ADAM7: variants seen among roughly 807,000 people sequenced by gnomAD.
ADAM7 encodes disintegrin and metalloproteinase domain-containing protein 7.
In ADAM7, 97 loss-of-function variants were observed where a neutral mutation model predicts 102.9. The observed-to-expected ratio is 0.94, with a 90% CI of 0.80 to 1.12. The LOEUF (loss-of-function observed/expected upper bound fraction) is 1.12. Among genes scored for constraint, ADAM7 ranks in the 50% most tolerant of loss-of-function variants. The pLI is 0.00. For missense variants in ADAM7, 991 were observed against 908.7 expected, an observed-to-expected ratio of 1.09 and a Z score of -1.16; for synonymous variants, 334 against 304.4, an observed-to-expected ratio of 1.10 and a Z score of -1.01.
At chr8:24,503,324 C>T (rs1322361554) in intron 20 of ADAM7, among the ~76,000 whole-genome samples, 1 of 152,108 alleles carries the variant, frequency 6.6e-6, no homozygotes, top group South Asian at 2.1e-4. Context: ...CCAATACATT[C>T]AGCTCACTTA....
At chr8:24,464,110 T>C (rs2129381183) in intron 4 of ADAM7, 150 bp downstream of exon 4, 1 of 661,268 alleles carries the variant, frequency 1.5e-6, no homozygotes, top group East Asian at 2.9e-5. Flanking sequence ...AAAATTATAG[T>C]ATAAAAATAC....
chr8:24,488,812 T>G (rs1820235734), intron 11 of ADAM7, among the ~76,000 whole-genome samples: 1 of 152,076 alleles, frequency 6.6e-6, no homozygotes, highest in African/African-American at 2.4e-5. Context: ...AATTATTGCT[T>G]TGAGATGCTT....
chr8:24,451,947 T>C (rs1408528365), intron 3 of ADAM7, among the ~76,000 whole-genome samples: 1 of 151,894 alleles, frequency 6.6e-6, no homozygotes, highest in Non-Finnish European at 1.5e-5. Flanking sequence ...AGTTTCCATG[T>C]AGTTGAGCGG....
chr8:24,490,913 T>G (rs971974347), intron 13 of ADAM7, 25 bp downstream of exon 13: 39 of 1,221,906 alleles, frequency 3.2e-5, no homozygotes, highest in Non-Finnish European at 4.1e-5. Context: ...CAGGAGAAGG[T>G]TTTTTTTTTT....
chr8:24,451,551 T>C (rs1273021769), intron 3 of ADAM7, among the ~76,000 whole-genome samples: 1 of 152,230 alleles, frequency 6.6e-6, no homozygotes, highest in Non-Finnish European at 1.5e-5. Context: ...TTCTTCTTTA[T>C]TAGTCTTGCT....
chr8:24,480,579 C>G (rs1445838144), intron 8 of ADAM7, among the ~76,000 whole-genome samples: 1 of 152,056 alleles, frequency 6.6e-6, no homozygotes, highest in African/African-American at 2.4e-5. Context: ...TTTATATGTT[C>G]TTATGAGAAG....
intron 7 of ADAM7, chr8:24,475,835 A>C: frequency 2.3e-6 from 1 of 431,084 alleles, no homozygotes; most frequent in South Asian, 1.7e-5. Context: ...CAAGATCCCG[A>C]TAGTACAAAA....
In ADAM7 at chr8:24,442,486, T is replaced by G; in HGVS notation, c.66T>G (p.Leu22=). The G allele has an allele frequency of 1.2e-6, 2 of 1,613,660 alleles. No homozygotes were observed. Among genetic ancestry groups the G allele is most frequent in the South Asian group, 2.2e-5 (2 of 91,062 alleles). ...LIPQVKEKFI[L]GVEGQQLVRP... The stretch of plus-strand genomic sequence containing the variant: ...GTTTCCTCGTAGAAAAGTTCATCCT[T>G]GGAGTAGAGGGTCAACAACTGGTTC... The change falls in exon 2 of 22, where the codon CTT becomes CTG. Residue 22 remains leucine, a synonymous_variant. Coordinates refer to ENST00000175238, the MANE Select transcript of ADAM7 (RefSeq NM_003817.4).
At chr8:24,482,860 A>G (rs2129388583) in intron 9 of ADAM7, among the ~76,000 whole-genome samples, 1 of 152,334 alleles carries the variant, frequency 6.6e-6, no homozygotes, top group South Asian at 2.1e-4. Context: ...GGTAGACTTA[A>G]AAATGCCATT....
intron 2 of ADAM7, among the ~76,000 whole-genome samples, chr8:24,446,711 A>T (rs1818571559): frequency 6.6e-6 from 1 of 151,864 alleles, no homozygotes; most frequent in Admixed American, 6.6e-5. Context: ...AAATCGCTTT[A>T]AAAATGCGTG....
At chr8:24,500,762 A>G (rs1563397776) in intron 18 of ADAM7, 28 bp from the exon 19 acceptor site, 1 of 1,576,968 alleles carries the variant, frequency 6.3e-7, no homozygotes, top group Admixed American at 1.7e-5. Context: ...GATACCCTCG[A>G]TGAAGCCCAT....
At chr8:24,458,314 T>C (rs1000265683) in intron 3 of ADAM7, among the ~76,000 whole-genome samples, 3 of 152,236 alleles carry the variant, frequency 2.0e-5, no homozygotes, top group African/African-American at 7.2e-5. Flanking sequence ...ATTCACGTTA[T>C]AACTCATCTA....
At chr8:24,478,637 C>G (rs2129387071) in intron 8 of ADAM7, among the ~76,000 whole-genome samples, 1 of 152,258 alleles carries the variant, frequency 6.6e-6, no homozygotes, top group Admixed American at 6.5e-5. Context: ...ATTCTGCAAA[C>G]CACATCCATG....
At chr8:24,497,007 T>C (rs1820580946) in intron 16 of ADAM7, among the ~76,000 whole-genome samples, 1 of 152,160 alleles carries the variant, frequency 6.6e-6, no homozygotes, top group Admixed American at 6.6e-5. Context: ...CATCTTGAAT[T>C]CCCACATTTG....
chr8:24,500,233 G>T lies in ADAM7; in HGVS notation c.1979G>T (p.Cys660Phe), dbSNP rs1230794251. Residue 660 changes from cysteine to phenylalanine, a missense_variant, in exon 18 of 22, where the codon TGT (cysteine) becomes TTT (phenylalanine). Transcript: ENST00000175238. Reference protein sequence around the residue: ...HCEEGQAPVACEETLHVTNIT... With the variant: ...HCEEGQAPVAFEETLHVTNIT... ...GAGGAAGGACAGGCACCTGTAGCCT[G>T]TGAAGAAACCTTACATGTTACCAGT... 1.9e-6 allele frequency: 3 copies of T among 1,611,422 alleles called. No homozygotes were observed. Among genetic ancestry groups the T allele is most frequent in the African/African-American group, 2.7e-5 (2 of 74,978 alleles).
In ADAM7 at chr8:24,468,822, T is replaced by A. The variant is rs777732700; in HGVS notation, c.633+2T>A. ...TTCATTGTTGCTGATGATACTGTGG[T>A]AAGTTTTCAATAGAACATTTCTCTC... On this transcript the variant is annotated splice_donor_variant, in intron 7 of 21. Coordinates refer to ENST00000175238, the MANE Select transcript of ADAM7 (RefSeq NM_003817.4). LOFTEE classifies it high-confidence loss of function. 1.2e-6 allele frequency: 2 copies of A among 1,611,106 alleles called. No individual in the cohort carries two copies. The highest frequency in any genetic ancestry group is 1.7e-6 in the Non-Finnish European group (2 of 1,177,910).
chr8:24,501,438 A>C (rs778940275), intron 19 of ADAM7, 39 bp from the exon 20 acceptor site: 1 of 1,459,688 alleles, frequency 6.9e-7, no homozygotes. Context: ...GAATAGCCCT[A>C]TATCTAATAA....
rs377593221 is a variant in ADAM7 at position 24,485,329 on chromosome 8, T to C, written c.928T>C (p.Cys310Arg). ...AGGAATTTCTTATCCAGGGGGTATG[T>C]GCCTGCCCTATTATTCCACCAGTAT... ...VQGISYPGGMCLPYYSTSIIK... is the reference protein window; with the variant it reads ...VQGISYPGGMRLPYYSTSIIK... Residue 310 changes from cysteine to arginine, a missense_variant, in exon 10 of 22, where the codon TGC becomes CGC. Physicochemically the swap from Cys to Arg is radical, Grantham distance 180. Coordinates refer to ENST00000175238, the MANE Select transcript of ADAM7 (RefSeq NM_003817.4). 6.2e-7 allele frequency: 1 copy of C among 1,613,790 alleles called. No homozygotes were observed. Among genetic ancestry groups the C allele is most frequent in the Non-Finnish European group, 8.5e-7 (1 of 1,179,792 alleles).
intron 8 of ADAM7, among the ~76,000 whole-genome samples, chr8:24,480,384 G>A (rs1357292795): frequency 1.3e-5 from 2 of 152,022 alleles, no homozygotes; most frequent in East Asian, 1.9e-4. Context: ...CCTTCACAGA[G>A]CCCATACTCA....
Sources: gnomAD v4.1 joint callset for allele counts (sites outside exome capture counted in the v4.1 genomes callset) on GRCh38, gnomAD v4.1.1 for gene constraint, MANE v1.5 for transcripts, NCBI Gene and HGNC (gene_info 2026-07-23, HGNC 2026-07-21) for gene names.